XKR4: variants seen among roughly 807,000 people sequenced by gnomAD.
The protein encoded by XKR4 is XK related 4.
XKR4 carries 12 observed loss-of-function variants against 53.9 expected under a neutral mutation model. That is an observed-to-expected ratio of 0.22 (90% CI 0.14 to 0.36). The LOEUF is 0.36. Ranked by LOEUF, XKR4 falls within the 10% of genes least tolerant of loss-of-function variation. The pLI is 1.00. For missense variants in XKR4, 799 were observed against 859.5 expected (o/e 0.93, Z 0.88); for synonymous variants, 354 against 362.4 (o/e 0.98, Z 0.26).
intron 2 of XKR4, among the ~76,000 whole-genome samples, chr8:55,435,019 A>C (rs772884664): frequency 6.6e-6 from 1 of 152,202 alleles, no homozygotes; most frequent in Non-Finnish European, 1.5e-5. Context: ...CACTTCTGAA[A>C]GTCTAAGAAA....
chr8:55,145,796 C>A (rs1816766086), intron 1 of XKR4, among the ~76,000 whole-genome samples: 1 of 152,170 alleles, frequency 6.6e-6, no homozygotes, highest in African/African-American at 2.4e-5. Context: ...TACATCTTTT[C>A]ATCTCATAAA....
intron 1 of XKR4, among the ~76,000 whole-genome samples, chr8:55,301,996 T>G (rs1319460823): frequency 6.6e-6 from 1 of 152,218 alleles, no homozygotes; most frequent in Non-Finnish European, 1.5e-5. Flanking sequence ...GATCTTTAGT[T>G]TAATTAGATC....
chr8:55,180,822 C>T lies in XKR4; in HGVS notation c.806+77528C>T, dbSNP rs762662349. On this transcript the variant is annotated intron_variant, in intron 1 of 2. Coordinates refer to ENST00000327381, the MANE Select transcript of XKR4 (RefSeq NM_052898.2). ...TGCTGGGATTACAGGTATAAGCCAC[C>T]GCACCTGGCCCCAAAATAGGTATTT... Among the ~76,000 whole-genome samples, 52 of 152,272 alleles carry T rather than the reference C, an allele frequency of 3.4e-4. 1 individual carries two copies. The highest frequency in any genetic ancestry group is 1.9e-4 in the East Asian group (1 of 5,182).
intron 2 of XKR4, among the ~76,000 whole-genome samples, chr8:55,434,163 C>T (rs1479755789): frequency 6.6e-6 from 1 of 151,986 alleles, no homozygotes; most frequent in African/African-American, 2.4e-5. Flanking sequence ...ATATGACCAC[C>T]TATATATACA....
intron 2 of XKR4, among the ~76,000 whole-genome samples, chr8:55,437,080 T>C (rs777830790): frequency 6.6e-6 from 1 of 152,240 alleles, no homozygotes; most frequent in Non-Finnish European, 1.5e-5. Flanking sequence ...AACTAATTTT[T>C]AAATGTTTTT....
At position 55,532,823 on chromosome 8, in the gene XKR4, A is replaced by C. The variant is rs1806973666; in HGVS notation, c.*8596A>C. 1 of 148,436 alleles carries C rather than the reference A, an allele frequency of 6.7e-6. No individual in the cohort carries two copies. The highest frequency in any genetic ancestry group is 2.5e-5 in the African/African-American group (1 of 40,294). 9.2% of individuals were successfully genotyped at this position (148,436 alleles called of 1,614,324 possible). ...AAAAAAAAAAAAAAAAAAAAAAAGA[A>C]TTTCAGAAAATATAAAGTTTTATGT... On this transcript the variant is annotated 3_prime_UTR_variant, in exon 3 of 3. Transcript: ENST00000327381.
At chr8:55,454,770 C>A (rs1805531860) in intron 2 of XKR4, 3 of 778,456 alleles carry the variant, frequency 3.9e-6, no homozygotes, top group Admixed American at 3.5e-5. Flanking sequence ...CAGGTACCAG[C>A]GTCTTTGGGG....
At chr8:55,447,592 AG>A (rs1384436186) in intron 2 of XKR4, among the ~76,000 whole-genome samples, 1 of 152,210 alleles carries the variant, frequency 6.6e-6, no homozygotes, top group Non-Finnish European at 1.5e-5. Context: ...TTTCATTAAG[AG>A]TTTGTGGAGT....
At chr8:55,234,041 C>T (rs1248147371) in intron 1 of XKR4, among the ~76,000 whole-genome samples, 4 of 152,082 alleles carry the variant, frequency 2.6e-5, no homozygotes, top group African/African-American at 7.2e-5. Flanking sequence ...CCCTGAAGTC[C>T]GAATTAATAG....
chr8:55,489,812 A>T (rs908298134), intron 2 of XKR4, among the ~76,000 whole-genome samples: 2 of 152,162 alleles, frequency 1.3e-5, no homozygotes, highest in African/African-American at 2.4e-5. Flanking sequence ...GTCAAAATCA[A>T]TTACACATTA....
rs752540744 is a variant in XKR4 at position 55,103,198 on chromosome 8, C to A, written c.710C>A (p.Thr237Asn). 1 of 1,614,078 alleles carries A rather than the reference C, an allele frequency of 6.2e-7. No individual in the cohort carries two copies. The stretch of plus-strand genomic sequence containing the variant: ...AGCGGCAGCAACAGCAGCGGGGCTA[C>A]CCGGGCCAGTGGCAAGCACAGGTCT... ...ANSGSNSSGA[T>N]RASGKHRSAS... The change falls in exon 1 of 3, where the codon ACC becomes AAC. Residue 237 changes from threonine (T) to asparagine (N), a missense_variant. By Grantham distance (65) the Thr-to-Asn change is moderately conservative. This residue lies in a region of XKR4 where 476 missense variants were observed against 505.4 expected (regional missense o/e 0.94). Transcript: ENST00000327381.
intron 2 of XKR4, among the ~76,000 whole-genome samples, chr8:55,369,518 G>GGA (rs201863082): frequency 0.18 from 24,090 of 136,842 alleles, 2,865 homozygotes; most frequent in African/African-American, 0.34. Context: ...GAAAAGGGAA[G>GGA]GAGAGGGAAG....
intron 1 of XKR4, among the ~76,000 whole-genome samples, chr8:55,280,132 A>G (rs1818820791): frequency 6.6e-6 from 1 of 152,216 alleles, no homozygotes; most frequent in Non-Finnish European, 1.5e-5. Context: ...CCATTTTATG[A>G]AGGTCTGTGT....
At chr8:55,397,574 C>T (rs1330782468) in intron 2 of XKR4, among the ~76,000 whole-genome samples, 54 of 127,514 alleles carry the variant, frequency 4.2e-4, no homozygotes, top group African/African-American at 3.3e-5. Flanking sequence ...GTGCCCTTAA[C>T]GAAGTTCAAT....
In XKR4 at chr8:55,432,048, G is replaced by A. The variant is rs969181146; in HGVS notation, c.1006+74171G>A. ...CCAATCATGCTCACATAATATTGTG[G>A]GTTATAGCATTTAGCTCTTTCTATA... On this transcript the variant is annotated intron_variant, in intron 2 of 2. Coordinates refer to ENST00000327381, the MANE Select transcript of XKR4 (RefSeq NM_052898.2). Among the ~76,000 whole-genome samples, 12 of 152,090 alleles carry A rather than the reference G, an allele frequency of 7.9e-5. No individual in the cohort carries two copies. In the South Asian group the frequency reaches 8.3e-4, roughly 11 times the overall value.
At chr8:55,271,314 G>A (rs906039978) in intron 1 of XKR4, among the ~76,000 whole-genome samples, 1 of 152,176 alleles carries the variant, frequency 6.6e-6, no homozygotes, top group Non-Finnish European at 1.5e-5. Flanking sequence ...GAATGAGAAA[G>A]GCAGAAAGCA....
At chr8:55,429,903 T>A (rs1023615336) in intron 2 of XKR4, among the ~76,000 whole-genome samples, 4 of 152,152 alleles carry the variant, frequency 2.6e-5, no homozygotes, top group African/African-American at 9.7e-5. Flanking sequence ...GAATGACTCA[T>A]ATCTAGAAAA....
intron 2 of XKR4, among the ~76,000 whole-genome samples, chr8:55,379,412 A>G (rs893583631): frequency 6.6e-6 from 1 of 152,214 alleles, no homozygotes; most frequent in Non-Finnish European, 1.5e-5. Context: ...AAATGTTTCA[A>G]AGAAATGCTC....
At chr8:55,388,493 A>AC (rs5891570) in intron 2 of XKR4, among the ~76,000 whole-genome samples, 103,707 of 152,018 alleles carry the variant, frequency 0.68, 36,312 homozygotes, top group African/African-American at 0.84. Context: ...AGATGAAAGC[A>AC]CAGCAGTTTC....
Sources: allele counts gnomAD v4.1 joint callset (sites outside exome capture counted in the v4.1 genomes callset), GRCh38; gene constraint gnomAD v4.1.1; regional missense constraint gnomAD v4.1.1; transcripts MANE v1.5; gene names NCBI Gene and HGNC (gene_info 2026-07-23, HGNC 2026-07-21).